Variants in FAM120A observed in about 807,000 individuals in gnomAD.
The protein encoded by FAM120A is constitutive coactivator of PPAR-gamma-like protein 1.
Under a neutral mutation model 109.7 loss-of-function variants are expected in FAM120A, and 15 were observed. The ratio of observed to expected loss-of-function variants is 0.14; its 90% CI spans 0.09 to 0.21. FAM120A has a LOEUF of 0.21. FAM120A is among the 10% of genes least tolerant of loss of function. The pLI, the probability that FAM120A is intolerant of heterozygous loss-of-function variation, is 1.00. For missense variants in FAM120A, 899 were observed against 1,439.3 expected (o/e 0.62, Z 6.07); for synonymous variants, 493 against 572.8 (o/e 0.86, Z 1.99).
chr9:93,542,195 C>T (rs1861724843), intron 10 of FAM120A, among the ~76,000 whole-genome samples: 1 of 152,186 alleles, frequency 6.6e-6, no homozygotes, highest in Non-Finnish European at 1.5e-5. Context: ...TGGAGTGTGT[C>T]AGCCAGGGAC....
intron 5 of FAM120A, among the ~76,000 whole-genome samples, chr9:93,513,548 C>T (rs989614378): frequency 6.6e-6 from 1 of 152,208 alleles, no homozygotes; most frequent in Non-Finnish European, 1.5e-5. Context: ...TTCCCAGCTT[C>T]TCATACTGCA....
intron 12 of FAM120A, among the ~76,000 whole-genome samples, chr9:93,553,540 A>G (rs1161204703): frequency 1.3e-5 from 2 of 152,254 alleles, no homozygotes; most frequent in African/African-American, 4.8e-5. Context: ...CTAATCGGTC[A>G]GAGAGATTAA....
intron 3 of FAM120A, among the ~76,000 whole-genome samples, chr9:93,485,156 G>A (rs1858987724): frequency 6.6e-6 from 1 of 152,056 alleles, no homozygotes; most frequent in Admixed American, 6.5e-5. Context: ...GTTGTTGCAC[G>A]CTAACTGTAC....
At chr9:93,484,918 AT>A (rs1858971873) in intron 3 of FAM120A, among the ~76,000 whole-genome samples, 1 of 152,188 alleles carries the variant, frequency 6.6e-6, no homozygotes, top group Admixed American at 6.5e-5. Context: ...TTTATTTTAA[AT>A]AAGCAGCATA....
At chr9:93,510,767 G>C (rs1018848394) in intron 5 of FAM120A, among the ~76,000 whole-genome samples, 1 of 151,948 alleles carries the variant, frequency 6.6e-6, no homozygotes, top group Non-Finnish European at 1.5e-5. Flanking sequence ...GAGATGTAAT[G>C]TTCCTATTCT....
chr9:93,485,862 G>A (rs2131309914), intron 3 of FAM120A, among the ~76,000 whole-genome samples: 1 of 149,434 alleles, frequency 6.7e-6, no homozygotes, highest in South Asian at 2.2e-4. Context: ...TGCCTATTCT[G>A]GACATTTATA....
intron 8 of FAM120A, among the ~76,000 whole-genome samples, chr9:93,528,115 ATTGT>A (rs1338359983): frequency 2.0e-5 from 3 of 152,198 alleles, no homozygotes; most frequent in Non-Finnish European, 2.9e-5. Context: ...CTATTAAATG[ATTGT>A]TCTGCAAATA....
At chr9:93,518,181 G>C (rs76977206) in intron 7 of FAM120A, among the ~76,000 whole-genome samples, 11,667 of 152,216 alleles carry the variant, frequency 0.077, 573 homozygotes, top group Non-Finnish European at 0.1. Context: ...AGGAGACAAG[G>C]GTGCTTGTTC....
At chr9:93,518,120 C>A (rs1860678276) in intron 7 of FAM120A, among the ~76,000 whole-genome samples, 1 of 151,866 alleles carries the variant, frequency 6.6e-6, no homozygotes, top group South Asian at 2.1e-4. Flanking sequence ...CAGGGTACAC[C>A]CTATAATAAG....
chr9:93,466,679 G>C (rs550036455), intron 1 of FAM120A, among the ~76,000 whole-genome samples: 72 of 152,180 alleles, frequency 4.7e-4, no homozygotes, highest in African/African-American at 1.6e-3. Flanking sequence ...CGTGTAAGGA[G>C]ATCTGTGTGA....
intron 9 of FAM120A, among the ~76,000 whole-genome samples, chr9:93,531,807 A>T (rs559692248): frequency 6.6e-6 from 1 of 152,364 alleles, no homozygotes; most frequent in Admixed American, 6.5e-5. Flanking sequence ...AACTCTCTAA[A>T]TAAAAGTTGC....
rs150949827 is a variant in FAM120A at position 93,530,418 on chromosome 9, A to G, written c.1734+838A>G. The G allele has an allele frequency of 2.6e-5, 4 of 152,336 alleles. No individual in the cohort carries two copies. In the East Asian group the frequency reaches 7.7e-4, roughly 29 times the overall value. The allele number at this position is 152,336 out of a possible 1,614,324, so 9.4% of individuals were successfully genotyped here. On this transcript the variant is annotated intron_variant, in intron 9 of 17. Transcript: ENST00000277165. ...CATATATAACCAGACTTTTCTGTCT[A>G]TTCTCTACAACCCATCTGTGGTTTG...
At chr9:93,513,909 G>A (rs1860451792) in intron 5 of FAM120A, among the ~76,000 whole-genome samples, 2 of 152,056 alleles carry the variant, frequency 1.3e-5, no homozygotes, top group African/African-American at 2.4e-5. Context: ...TTTGGGGAAT[G>A]TTTCTGTCCT....
chr9:93,512,095 T>TTTTTG (rs1313697085), intron 5 of FAM120A, among the ~76,000 whole-genome samples: 1 of 152,158 alleles, frequency 6.6e-6, no homozygotes, highest in Non-Finnish European at 1.5e-5. Flanking sequence ...CCAGGCCAGT[T>TTTTTG]TTTTGTTTTG....
At chr9:93,538,901 C>T (rs1003569490) in intron 10 of FAM120A, among the ~76,000 whole-genome samples, 4 of 151,972 alleles carry the variant, frequency 2.6e-5, no homozygotes, top group African/African-American at 7.3e-5. Context: ...AGCTTAAGTA[C>T]GATAGTATTT....
At chr9:93,550,390 A>C (rs1862055182) in intron 11 of FAM120A, among the ~76,000 whole-genome samples, 187 bp from the exon 12 acceptor site, 1 of 152,224 alleles carries the variant, frequency 6.6e-6, no homozygotes, top group East Asian at 1.9e-4. Flanking sequence ...AAACATTCTG[A>C]CATCCTGTTT....
chr9:93,564,494 G>C lies in FAM120A; in HGVS notation c.3311G>C (p.Arg1104Pro), dbSNP rs764574027. ...LNALSTDSAC[R>P]REAALEAAVL... ...GCACTAAGTACAGACAGCGCTTGCC[G>C]CAGAGAAGCTGCTCTGGAGGCAGCT... Residue 1104 changes from arginine (R) to proline (P), a missense_variant, in exon 18 of 18, where the codon CGC (arginine) becomes CCC (proline). By Grantham distance (103) the Arg-to-Pro change is moderately radical. Coordinates refer to ENST00000277165, the MANE Select transcript of FAM120A (RefSeq NM_014612.5). The C allele has an allele frequency of 5.6e-6, 9 of 1,613,274 alleles. No individual in the cohort carries two copies. The Admixed American group carries it at 1.5e-4, about 27-fold the overall frequency.
At chr9:93,555,699 C>G (rs1436019565) in intron 12 of FAM120A, among the ~76,000 whole-genome samples, 1 of 152,218 alleles carries the variant, frequency 6.6e-6, no homozygotes, top group African/African-American at 2.4e-5. Flanking sequence ...GCACCCAGCA[C>G]TTAACACTGA....
chr9:93,494,047 G>A (rs1382381200), intron 3 of FAM120A, among the ~76,000 whole-genome samples: 1 of 152,130 alleles, frequency 6.6e-6, no homozygotes, highest in Non-Finnish European at 1.5e-5. Context: ...GTCTCTGATC[G>A]AGGTCCAGGC....
Sources: allele counts gnomAD v4.1 joint callset (sites outside exome capture counted in the v4.1 genomes callset), GRCh38; gene constraint gnomAD v4.1.1; transcripts MANE v1.5; gene names NCBI Gene and HGNC (gene_info 2026-07-23, HGNC 2026-07-21).